OTUD7B: variants seen among roughly 807,000 people sequenced by gnomAD.
The protein encoded by OTUD7B is OTU deubiquitinase 7B, also known as OTU domain-containing protein 7B.
A neutral mutation model predicts 82.2 loss-of-function variants in OTUD7B; 34 were observed. The ratio of observed to expected loss-of-function variants is 0.41; its 90% confidence interval spans 0.31 to 0.55. The LOEUF is 0.55. Ranked by LOEUF, OTUD7B falls within the 20% of genes least tolerant of loss-of-function variation. The pLI is 0.20. For synonymous variants in OTUD7B, 398 were observed against 402.7 expected (o/e 0.99, Z 0.14); for missense variants, 944 against 1,062.1 (o/e 0.89, Z 1.55).
intron 1 of OTUD7B, among the ~76,000 whole-genome samples, chr1:149,989,164 ATTAATTTCT>A (rs1325924256): frequency 9.2e-5 from 14 of 152,110 alleles, no homozygotes; most frequent in Non-Finnish European, 2.1e-4. Context: ...ACAAGTACTA[ATTAATTTCT>A]TATAAAGCCT....
At chr1:150,065,948 A>G in the OTUD7B span, among the ~76,000 whole-genome samples, 1 of 150,496 alleles carries the variant, frequency 6.6e-6, no homozygotes, top group East Asian at 1.9e-4. Flanking sequence ...AGTGTCAAGT[A>G]GGTATTTTCC....
rs1648765197 is a variant in OTUD7B, at chr1:149,957,362, A to G, written c.845+2322T>C. Among the ~76,000 whole-genome samples, 3 of 151,674 alleles carry G rather than the reference A, an allele frequency of 2.0e-5. No individual in the cohort carries two copies. In the South Asian group the frequency reaches 6.2e-4, roughly 31 times the overall value. ...GCTGCAGAACAGCAAATATTGCAGA[A>G]CGGCAAATGTTGCTGCCTGATCCTT... On this transcript the variant is annotated intron_variant, in intron 7 of 11. Coordinates refer to ENST00000581312, the MANE Select transcript of OTUD7B (RefSeq NM_020205.4).
At chr1:149,945,325 G>A (rs763991411) in intron 11 of OTUD7B, among the ~76,000 whole-genome samples, 3 of 152,182 alleles carry the variant, frequency 2.0e-5, no homozygotes, top group Non-Finnish European at 4.4e-5. Context: ...CTGGGTTCCA[G>A]TCAGTCAGCT....
chr1:149,946,893 A>C (rs1488453458), intron 11 of OTUD7B, among the ~76,000 whole-genome samples: 3 of 151,842 alleles, frequency 2.0e-5, no homozygotes, highest in Non-Finnish European at 4.4e-5. Context: ...CCTCTACTAA[A>C]AATACAAAAA....
the OTUD7B span, among the ~76,000 whole-genome samples, chr1:150,031,784 T>C: frequency 6.6e-6 from 1 of 152,232 alleles, no homozygotes; most frequent in Non-Finnish European, 1.5e-5. Context: ...ATAGTGATAG[T>C]ACCTATTATT....
At chr1:149,996,860 G>A (rs893506228) in intron 1 of OTUD7B, among the ~76,000 whole-genome samples, 3 of 152,270 alleles carry the variant, frequency 2.0e-5, no homozygotes, top group African/African-American at 7.2e-5. Flanking sequence ...GATAAGCATG[G>A]AAGAAGCCAA....
intron 7 of OTUD7B, among the ~76,000 whole-genome samples, chr1:149,955,756 C>A (rs1171116612): frequency 1.3e-5 from 2 of 151,882 alleles, no homozygotes; most frequent in Non-Finnish European, 2.9e-5. Context: ...TTTAAGATAG[C>A]TCTTCCTGTT....
the OTUD7B span, among the ~76,000 whole-genome samples, chr1:150,017,659 A>C: frequency 6.6e-6 from 1 of 152,210 alleles, no homozygotes; most frequent in Non-Finnish European, 1.5e-5. Flanking sequence ...GCCCCTGACT[A>C]GGTCAGCACT....
At chr1:150,018,414 C>G in the OTUD7B span, among the ~76,000 whole-genome samples, 1 of 152,264 alleles carries the variant, frequency 6.6e-6, no homozygotes, top group African/African-American at 2.4e-5. Flanking sequence ...CCAGGCAGTG[C>G]CCTTCCACTC....
intron 1 of OTUD7B, among the ~76,000 whole-genome samples, chr1:149,987,405 C>T (rs1181215093): frequency 6.6e-6 from 1 of 152,226 alleles, no homozygotes; most frequent in East Asian, 1.9e-4. Context: ...CCCAGAGCTA[C>T]TATTTAAGGG....
intron 11 of OTUD7B, among the ~76,000 whole-genome samples, chr1:149,945,796 C>T (rs1463075773): frequency 2.0e-5 from 3 of 152,306 alleles, no homozygotes; most frequent in African/African-American, 7.2e-5. Context: ...CACGGTGGCT[C>T]ATGCCTGTAA....
chr1:149,982,018 G>A (rs587651443), intron 1 of OTUD7B, among the ~76,000 whole-genome samples: 5 of 152,060 alleles, frequency 3.3e-5, no homozygotes, highest in Admixed American at 2.0e-4. Flanking sequence ...GCGTGGTGGC[G>A]GACGCCTGTA....
chr1:149,967,214 G>A (rs1370411390), intron 4 of OTUD7B, 80 bp downstream of exon 4: 8 of 934,062 alleles, frequency 8.6e-6, no homozygotes, highest in Middle Eastern at 2.5e-4. Context: ...GGAAGCTAGC[G>A]ATCAAGTCCA....
chr1:149,998,004 C>T (rs1199135843), intron 1 of OTUD7B, among the ~76,000 whole-genome samples: 21 of 152,132 alleles, frequency 1.4e-4, no homozygotes, highest in African/African-American at 4.1e-4. Flanking sequence ...GACTCAGTAC[C>T]TTTCAAAGCT....
At chr1:149,951,660 G>A (rs138740936) in intron 7 of OTUD7B, among the ~76,000 whole-genome samples, 39 of 152,202 alleles carry the variant, frequency 2.6e-4, no homozygotes, top group African/African-American at 9.1e-4. Flanking sequence ...GGATTTCTGG[G>A]CCTTACCTCT....
chr1:149,985,406 C>G (rs1651060454), intron 1 of OTUD7B, among the ~76,000 whole-genome samples: 1 of 151,942 alleles, frequency 6.6e-6, no homozygotes, highest in African/African-American at 2.4e-5. Context: ...GACCCCATCT[C>G]AAAATAAACA....
chr1:150,021,453 ATCT>A, the OTUD7B span, among the ~76,000 whole-genome samples: 1 of 152,242 alleles, frequency 6.6e-6, no homozygotes, highest in Non-Finnish European at 1.5e-5. Flanking sequence ...AGATCTTGTC[ATCT>A]TACCAAGTTC....
In OTUD7B at chr1:149,980,904, G is replaced by T. The variant is rs115551146; in HGVS notation, c.-66-3328C>A. Among the ~76,000 whole-genome samples, 50 of 151,590 alleles carry T rather than the reference G, an allele frequency of 3.3e-4. 1 individual carries two copies. Among genetic ancestry groups the T allele is most frequent in the African/African-American group, 1.1e-3 (47 of 41,312 alleles). ...CGTGTGTGCCTGTAGTCCCAGCCAC[G>T]TGAGTGGCTGAGGTGGGAGGATTGC... On this transcript the variant is annotated intron_variant, in intron 1 of 11. Transcript: ENST00000581312.
At chr1:149,947,415 G>T in intron 10 of OTUD7B, 80 bp from the exon 11 acceptor site, 2 of 817,614 alleles carry the variant, frequency 2.4e-6, no homozygotes, top group Non-Finnish European at 2.1e-6. Flanking sequence ...AAGGGTGGGA[G>T]AGGGCTACAT....
Sources: allele counts gnomAD v4.1 joint callset (sites outside exome capture counted in the v4.1 genomes callset), GRCh38; gene constraint gnomAD v4.1.1; transcripts MANE v1.5; gene names NCBI Gene and HGNC (gene_info 2026-07-23, HGNC 2026-07-21).